LRMDA: variants seen among roughly 807,000 people sequenced by gnomAD.
The protein encoded by LRMDA is leucine-rich melanocyte differentiation-associated protein.
A neutral mutation model predicts 29.8 loss-of-function variants in LRMDA; 18 were observed. The ratio of observed to expected loss-of-function variants is 0.60; its 90% CI spans 0.42 to 0.90. The LOEUF (loss-of-function observed/expected upper bound fraction) is 0.90. LRMDA is among the 40% of genes least tolerant of loss of function. LRMDA has a pLI of 0.00. For synonymous variants in LRMDA, 125 were observed against 109.4 expected, an observed-to-expected ratio of 1.14 and a Z score of -0.89; for missense variants, 273 against 273.9, an observed-to-expected ratio of 1.00 and a Z score of 0.02.
chr10:75,602,730 A>G (rs1158227340), intron 2 of LRMDA, among the ~76,000 whole-genome samples: 3 of 152,188 alleles, frequency 2.0e-5, no homozygotes, highest in Non-Finnish European at 4.4e-5. Flanking sequence ...GTGTCTTTGA[A>G]ACAATGGAAA....
At position 75,558,800 on chromosome 10, in the gene LRMDA, C is replaced by T. The variant is rs371999572; in HGVS notation, c.131+120306C>T. ...TGTGGTGTTTGGTTTTTTATCCTTG[C>T]GATAGTTTACTGAGAATGATGATTT... is the stretch of plus-strand genomic sequence containing the variant. On this transcript the variant is annotated intron_variant, in intron 2 of 6. Transcript: ENST00000611255. Among the ~76,000 whole-genome samples the T allele has an allele frequency of 1.2e-4, 17 of 145,464 alleles. No individual in the cohort carries two copies. In the East Asian group the frequency reaches 1.2e-3, roughly 10 times the overall value.
In LRMDA at chr10:76,501,040, C is replaced by G. The variant is rs1172933156; in HGVS notation, c.602-56169C>G. Among the ~76,000 whole-genome samples, 5 of 74,136 alleles carry G rather than the reference C, an allele frequency of 6.7e-5. 2 individuals carry two copies. The highest frequency in any genetic ancestry group is 1.6e-4 in the African/African-American group (5 of 30,450). The allele number at this position is 74,136 out of a possible 152,430, so 48.6% of individuals were successfully genotyped here. ...CACACTCCCTTTCTCCTTCTCCTCT[C>G]TAGTAGTCTCCAGTGTTGATCGTTG... is the stretch of plus-strand genomic sequence containing the variant. On this transcript the variant is annotated intron_variant, in intron 6 of 6. Coordinates refer to ENST00000611255, the MANE Select transcript of LRMDA (RefSeq NM_001305581.2).
At chr10:76,342,986 T>TA (rs1047112459) in intron 6 of LRMDA, among the ~76,000 whole-genome samples, 6 of 151,168 alleles carry the variant, frequency 4.0e-5, no homozygotes, top group East Asian at 1.9e-4. Context: ...GAGCAGGGAG[T>TA]AAAAAAAACC....
chr10:76,504,130 G>A (rs1842937599), intron 6 of LRMDA, among the ~76,000 whole-genome samples: 1 of 151,766 alleles, frequency 6.6e-6, no homozygotes, highest in Non-Finnish European at 1.5e-5. Flanking sequence ...CTCTGTATTT[G>A]TATAGTTTTG....
At chr10:75,836,398 G>C (rs1178366754) in intron 2 of LRMDA, among the ~76,000 whole-genome samples, 1 of 152,214 alleles carries the variant, frequency 6.6e-6, no homozygotes, top group Non-Finnish European at 1.5e-5. Context: ...CTGAGTCTAG[G>C]AGGATTCAGA....
chr10:76,016,947 G>A (rs1214673123), intron 2 of LRMDA, among the ~76,000 whole-genome samples: 1 of 152,168 alleles, frequency 6.6e-6, no homozygotes, highest in Non-Finnish European at 1.5e-5. Flanking sequence ...AAGAATAGTA[G>A]TAACTTAGAA....
chr10:76,306,572 C>A (rs961895849), intron 5 of LRMDA, among the ~76,000 whole-genome samples: 1 of 152,138 alleles, frequency 6.6e-6, no homozygotes, highest in Non-Finnish European at 1.5e-5. Flanking sequence ...ACACAATGAA[C>A]CTGGAGGCTT....
At chr10:76,278,441 A>T (rs1241033341) in intron 5 of LRMDA, among the ~76,000 whole-genome samples, 1 of 152,190 alleles carries the variant, frequency 6.6e-6, no homozygotes, top group Non-Finnish European at 1.5e-5. Context: ...ATCATCACTC[A>T]TGTCCCCTAT....
chr10:75,775,926 ACTC>A (rs1419698170), intron 2 of LRMDA, among the ~76,000 whole-genome samples: 9 of 151,794 alleles, frequency 5.9e-5, no homozygotes, highest in Non-Finnish European at 1.2e-4. Context: ...TAGAGAGCAC[ACTC>A]CTCTGTTTGC....
At chr10:76,074,053 G>A (rs1848918167) in intron 5 of LRMDA, among the ~76,000 whole-genome samples, 2 of 152,214 alleles carry the variant, frequency 1.3e-5, no homozygotes, top group East Asian at 1.9e-4. Context: ...AATTTAATGC[G>A]GCTTTGGGGA....
chr10:76,374,362 A>G (rs1841490592), intron 6 of LRMDA, among the ~76,000 whole-genome samples: 1 of 152,210 alleles, frequency 6.6e-6, no homozygotes, highest in Non-Finnish European at 1.5e-5. Flanking sequence ...AGCATCCTAG[A>G]AAAAGAAGGT....
intron 5 of LRMDA, among the ~76,000 whole-genome samples, chr10:76,122,276 C>T (rs1261519454): frequency 1.3e-5 from 2 of 151,914 alleles, no homozygotes; most frequent in Non-Finnish European, 2.9e-5. Context: ...GATGCTCAGA[C>T]ATCTGCTGCG....
At chr10:75,486,400 TAC>T (rs1256632652) in intron 2 of LRMDA, among the ~76,000 whole-genome samples, 3 of 152,166 alleles carry the variant, frequency 2.0e-5, no homozygotes, top group African/African-American at 7.2e-5. Flanking sequence ...GCCCAGTGCT[TAC>T]AGAGGCATTG....
At chr10:75,691,911 A>T (rs1842163757) in intron 2 of LRMDA, among the ~76,000 whole-genome samples, 1 of 152,138 alleles carries the variant, frequency 6.6e-6, no homozygotes, top group Admixed American at 6.5e-5. Flanking sequence ...GCAGACTCAC[A>T]TTCGAAATAT....
chr10:76,241,126 G>T (rs1247827412), intron 5 of LRMDA, among the ~76,000 whole-genome samples: 2 of 152,010 alleles, frequency 1.3e-5, no homozygotes, highest in Non-Finnish European at 2.9e-5. Flanking sequence ...GTGGGTGGGT[G>T]GTGAGGGATA....
chr10:75,957,568 G>C (rs942690042), intron 2 of LRMDA, among the ~76,000 whole-genome samples: 5 of 152,206 alleles, frequency 3.3e-5, no homozygotes, highest in African/African-American at 1.2e-4. Context: ...GGGAGCAAGT[G>C]TCAGAAACGC....
intron 2 of LRMDA, among the ~76,000 whole-genome samples, chr10:75,482,741 A>C (rs962312849): frequency 6.6e-6 from 1 of 152,192 alleles, no homozygotes; most frequent in Non-Finnish European, 1.5e-5. Context: ...ATACATTTTA[A>C]GTTCAATTAT....
chr10:75,560,387 T>C (rs1840275942), intron 2 of LRMDA, among the ~76,000 whole-genome samples: 1 of 151,092 alleles, frequency 6.6e-6, no homozygotes, highest in African/African-American at 2.4e-5. Flanking sequence ...TGATTTTGTA[T>C]CCTGAGACTT....
At chr10:76,260,252 T>A (rs1490711563) in intron 5 of LRMDA, among the ~76,000 whole-genome samples, 2 of 152,216 alleles carry the variant, frequency 1.3e-5, no homozygotes, top group South Asian at 4.1e-4. Flanking sequence ...TTCTTTTCTC[T>A]TTCTTCCTTG....
Sources: allele counts gnomAD v4.1 joint callset (sites outside exome capture counted in the v4.1 genomes callset), GRCh38; gene constraint gnomAD v4.1.1; transcripts MANE v1.5; gene names NCBI Gene and HGNC (gene_info 2026-07-23, HGNC 2026-07-21).